The following TRANK1 variants were observed in gnomAD, a reference collection of about 807,000 sequenced individuals.
TRANK1 encodes TPR and ankyrin repeat-containing protein 1.
A neutral mutation model predicts 266.0 loss-of-function variants in TRANK1; 198 were observed. The observed-to-expected ratio is 0.74, with a 90% CI of 0.66 to 0.84. The LOEUF (loss-of-function observed/expected upper bound fraction) is 0.84. Ranked by LOEUF, TRANK1 falls within the 40% of genes least tolerant of loss-of-function variation. The pLI, the probability that TRANK1 is intolerant of heterozygous loss-of-function variation, is 0.00. For missense variants in TRANK1, 3,326 were observed against 3,634.6 expected (o/e 0.92, Z 2.18); for synonymous variants, 1,396 against 1,384.1 (o/e 1.01, Z -0.19).
chr3:36,864,868 T>C (rs953063206), intron 9 of TRANK1, among the ~76,000 whole-genome samples: 2 of 151,972 alleles, frequency 1.3e-5, no homozygotes, highest in African/African-American at 4.8e-5. Flanking sequence ...TGAGACCCTA[T>C]AGATGTGAAA....
At chr3:36,920,299 A>C (rs1052119566) in intron 1 of TRANK1, among the ~76,000 whole-genome samples, 9 of 152,204 alleles carry the variant, frequency 5.9e-5, no homozygotes, top group African/African-American at 2.2e-4. Flanking sequence ...GCTACAGTGA[A>C]CCATTCTTGG....
intron 23 of TRANK1, 50 bp downstream of exon 23, chr3:36,829,514 G>T (rs368358948): frequency 1.2e-4 from 189 of 1,594,338 alleles, no homozygotes; most frequent in Non-Finnish European, 1.5e-4. Flanking sequence ...GCAGTAATAA[G>T]AACCACAGGA....
At chr3:36,836,068 T>A (rs1559416569) in intron 20 of TRANK1, among the ~76,000 whole-genome samples, 1 of 152,198 alleles carries the variant, frequency 6.6e-6, no homozygotes, top group Non-Finnish European at 1.5e-5. Context: ...CACAGTGAAA[T>A]ACATCCACCA....
intron 9 of TRANK1, among the ~76,000 whole-genome samples, chr3:36,865,962 GAGAGACAGAGAC>G (rs919939894): frequency 6.6e-6 from 1 of 150,592 alleles, no homozygotes; most frequent in Non-Finnish European, 1.5e-5. Context: ...GAGAGACAGA[GAGAGACAGAGAC>G]AGAGAGAGAG....
chr3:36,830,882 A>C lies in TRANK1; in HGVS notation c.8701T>G (p.Trp2901Gly). ...CTCTGCAGACCCTTACCGCCAGCCC[A>C]GGCCTTCCGCCTGTAGAGGTCCTCC... ...MVEDLYRRKA[W>G]AGAEEAMTRL... The change falls in exon 22 of 24, where the codon TGG becomes GGG. Residue 2901 changes from tryptophan (W) to glycine (G), a missense_variant. Physicochemically the swap from Trp to Gly is radical, Grantham distance 184. Transcript: ENST00000645898. 1 of 1,603,530 alleles carries C rather than the reference A, an allele frequency of 6.2e-7. No individual in the cohort carries two copies. The highest frequency in any genetic ancestry group is 8.5e-7 in the Non-Finnish European group (1 of 1,172,824).
Position 36,856,558 on chromosome 3 carries a change from C to A in TRANK1, c.3164G>T (p.Gly1055Val). Residue 1055 changes from glycine (G) to valine (V), a missense_variant, in exon 13 of 24, where the codon GGT (glycine) becomes GTT (valine). Physicochemically the swap from Gly to Val is moderately radical, Grantham distance 109. Coordinates refer to ENST00000645898, the MANE Select transcript of TRANK1 (RefSeq NM_001329998.2). The stretch of plus-strand genomic sequence containing the variant: ...GTCGATCACCGCGTACTCAAGCTCA[C>A]CCACCCGGAAGGGGTACTCCACTGT... ...TATVEYPFRV[G>V]ELEYAVIDLN... The A allele has an allele frequency of 2.5e-6, 4 of 1,613,956 alleles. No individual in the cohort carries two copies. Among genetic ancestry groups the A allele is most frequent in the Non-Finnish European group, 3.4e-6 (4 of 1,179,882 alleles).
chr3:36,925,123 A>G (rs1486311722), intron 1 of TRANK1, among the ~76,000 whole-genome samples: 1 of 152,170 alleles, frequency 6.6e-6, no homozygotes, highest in Non-Finnish European at 1.5e-5. Context: ...ACTCTCCTGT[A>G]AAGTTTAACC....
intron 3 of TRANK1, among the ~76,000 whole-genome samples, chr3:36,899,812 G>A (rs966452306): frequency 6.6e-6 from 1 of 152,188 alleles, no homozygotes; most frequent in African/African-American, 2.4e-5. Context: ...ACAGAGAGAA[G>A]GAAGAAGGTC....
chr3:36,834,248 C>T, intron 21 of TRANK1: 1 of 231,914 alleles, frequency 4.3e-6, no homozygotes, highest in South Asian at 1.1e-4. Flanking sequence ...CTAAATTATC[C>T]TTGAAAAACA....
chr3:36,900,665 CAGG>C (rs2079861198), intron 3 of TRANK1, among the ~76,000 whole-genome samples: 1 of 151,478 alleles, frequency 6.6e-6, no homozygotes, highest in South Asian at 2.1e-4. Flanking sequence ...TGCTTGAGCC[CAGG>C]AGTTCAAGAC....
Position 36,833,904 on chromosome 3 carries a change from T to C in TRANK1, c.5679A>G (p.Leu1893=). The part of the protein sequence containing the change: ...AIAVEKYEEM[L]KTKTLPISKL... ...TGGAAATGGGAAGGGTCTTAGTCTT[T>C]AGCATTTCTTCATACCTGCAAAGAC... is the stretch of plus-strand genomic sequence containing the variant. Residue 1893 remains leucine (L), a synonymous_variant, in exon 22 of 24, where the codon CTA becomes CTG. Coordinates refer to ENST00000645898, the MANE Select transcript of TRANK1 (RefSeq NM_001329998.2). 1 of 1,605,696 alleles carries C rather than the reference T, an allele frequency of 6.2e-7. No homozygotes were observed. Among genetic ancestry groups the C allele is most frequent in the South Asian group, 1.1e-5 (1 of 89,918 alleles).
At chr3:36,919,049 G>C (rs1269183747) in intron 1 of TRANK1, among the ~76,000 whole-genome samples, 3 of 152,196 alleles carry the variant, frequency 2.0e-5, no homozygotes, top group Non-Finnish European at 4.4e-5. Context: ...CAGTCAAATG[G>C]TCAAACAACA....
intron 7 of TRANK1, among the ~76,000 whole-genome samples, chr3:36,891,159 G>A (rs1337996324): frequency 6.6e-6 from 1 of 152,176 alleles, no homozygotes; most frequent in Non-Finnish European, 1.5e-5. Flanking sequence ...GGCCAACATG[G>A]TGAAACCCCA....
At position 36,855,911 on chromosome 3, in the gene TRANK1, T is replaced by C. The variant is rs1430533286; in HGVS notation, c.3811A>G (p.Lys1271Glu). The C allele has an allele frequency of 6.2e-7, 1 of 1,613,546 alleles. No individual in the cohort carries two copies. The highest frequency in any genetic ancestry group is 8.5e-7 in the Non-Finnish European group (1 of 1,179,850). ...GCAGACCATCCTATGATGGTTCTTTTCAAGCTTCCATCTTCGTTTCTCAGA... is the reference window on the plus strand; with the variant it reads ...GCAGACCATCCTATGATGGTTCTTTCCAAGCTTCCATCTTCGTTTCTCAGA... ...FFLRNEDGSL[K>E]RTIIGWSAQE... Residue 1271 changes from lysine (K) to glutamate (E), a missense_variant, in exon 13 of 24, where the codon AAA (lysine) becomes GAA (glutamate). Physicochemically the swap from Lys to Glu is moderately conservative, Grantham distance 56. Coordinates refer to ENST00000645898, the MANE Select transcript of TRANK1 (RefSeq NM_001329998.2).
intron 6 of TRANK1, 114 bp from the exon 7 acceptor site, chr3:36,892,454 A>G: frequency 7.8e-7 from 1 of 1,283,684 alleles, no homozygotes; most frequent in South Asian, 1.5e-5. Flanking sequence ...GCTGTGGTCC[A>G]AGCCTAGGAT....
chr3:36,891,354 C>A (rs535432931), intron 7 of TRANK1, among the ~76,000 whole-genome samples: 2 of 152,176 alleles, frequency 1.3e-5, no homozygotes, highest in East Asian at 1.9e-4. Flanking sequence ...AAAAAAAAAT[C>A]TCTTATAAAT....
rs1411356993 is a variant in TRANK1 at position 36,827,490 on chromosome 3, A to T, written c.*785T>A. On this transcript the variant is annotated 3_prime_UTR_variant, in exon 24 of 24. Coordinates refer to ENST00000645898, the MANE Select transcript of TRANK1 (RefSeq NM_001329998.2). The stretch of plus-strand genomic sequence containing the variant: ...TTTTTGGAATGTCTGCACCATAGCC[A>T]AGGCAGAGTTAGGACCACTTTGGAG... 1 of 152,278 alleles carries T rather than the reference A, an allele frequency of 6.6e-6. No homozygotes were observed. Among genetic ancestry groups the T allele is most frequent in the African/African-American group, 2.4e-5 (1 of 41,462 alleles). 9.4% of individuals were successfully genotyped at this position (152,278 alleles called of 1,614,324 possible).
Position 36,895,840 on chromosome 3 carries a change from A to C in TRANK1, c.434-82T>G, listed in dbSNP as rs976521952. Reference sequence around the variant, plus strand: ...GGGAAAAGGTCCTCCAATTAAGTTCACACATAGACAAATGGTAAATTAAAG... The same window carrying C: ...GGGAAAAGGTCCTCCAATTAAGTTCCCACATAGACAAATGGTAAATTAAAG... On this transcript the variant is annotated intron_variant, in intron 4 of 23. Transcript: ENST00000645898. 57 of 814,688 alleles carry C rather than the reference A, an allele frequency of 7.0e-5. 1 individual carries two copies. The highest frequency in any genetic ancestry group is 9.8e-5 in the Non-Finnish European group (53 of 539,096). The allele number at this position is 814,688 out of a possible 1,614,324, so 50.5% of individuals were successfully genotyped here.
rs769014035 is a variant in TRANK1 at position 36,857,951 on chromosome 3, C to A, written c.1771G>T (p.Gly591Trp). The change falls in exon 13 of 24, where the codon GGG becomes TGG. Residue 591 changes from glycine to tryptophan, a missense_variant. Transcript: ENST00000645898. The surrounding 1 kb of genome is among the most constrained non-coding windows in gnomAD (Gnocchi z 4.3). ...AAGAGGATGTGCATCAGCGTGTTCC[C>A]ATTGCTGTCCTGGACATTGGGGTTG... The part of the protein sequence containing the change: ...YLNPNVQDSN[G>W]NTLMHILFQK... 2 of 1,602,184 alleles carry A rather than the reference C, an allele frequency of 1.2e-6. No homozygotes were observed. Among genetic ancestry groups the A allele is most frequent in the Admixed American group, 1.7e-5 (1 of 60,020 alleles).
Sources: allele counts gnomAD v4.1 joint callset (sites outside exome capture counted in the v4.1 genomes callset), GRCh38; gene constraint gnomAD v4.1.1; non-coding constraint Gnocchi (gnomAD v3.1); transcripts MANE v1.5; gene names NCBI Gene and HGNC (gene_info 2026-07-23, HGNC 2026-07-21).